Variants in PTPRK observed in about 807,000 individuals in gnomAD.
PTPRK encodes receptor-type tyrosine-protein phosphatase kappa.
In PTPRK, 75 loss-of-function variants were observed where a neutral mutation model predicts 178.0. That is an observed-to-expected ratio of 0.42 (90% CI 0.35 to 0.51). The LOEUF (loss-of-function observed/expected upper bound fraction) is 0.51, where lower values mean the gene tolerates loss of function less well. Ranked by LOEUF, PTPRK falls within the 20% of genes least tolerant of loss-of-function variation. The probability of loss-of-function intolerance (pLI) is 0.02; values close to 1 mark genes in which losing one functional copy is unlikely to be tolerated. For missense variants in PTPRK, 1,441 were observed against 1,797.8 expected, an observed-to-expected ratio of 0.80 and a Z score of 3.59; for synonymous variants, 637 against 620.6, an observed-to-expected ratio of 1.03 and a Z score of -0.39.
At chr6:128,075,049 A>C (rs1783538006) in intron 11 of PTPRK, among the ~76,000 whole-genome samples, 1 of 152,014 alleles carries the variant, frequency 6.6e-6, no homozygotes, top group South Asian at 2.1e-4. Flanking sequence ...CTACCACTTC[A>C]AATATAAAAG....
At chr6:128,151,135 T>C (rs1489892589) in intron 7 of PTPRK, among the ~76,000 whole-genome samples, 2 of 152,112 alleles carry the variant, frequency 1.3e-5, no homozygotes, top group African/African-American at 4.8e-5. Context: ...TCTAGATCTG[T>C]TGCAAATTAA....
chr6:128,374,571 C>T (rs559198037), intron 2 of PTPRK, among the ~76,000 whole-genome samples: 1 of 152,262 alleles, frequency 6.6e-6, no homozygotes, highest in South Asian at 2.1e-4. Context: ...CTTTCTCTCA[C>T]ACCAGAAATC....
At chr6:128,306,827 T>G (rs925198917) in intron 3 of PTPRK, among the ~76,000 whole-genome samples, 2 of 151,936 alleles carry the variant, frequency 1.3e-5, no homozygotes, top group African/African-American at 4.8e-5. Flanking sequence ...GAATCAAAAT[T>G]TATACTTTAG....
intron 3 of PTPRK, among the ~76,000 whole-genome samples, chr6:128,302,069 CAGA>C (rs1173981379): frequency 6.6e-6 from 1 of 151,728 alleles, no homozygotes; most frequent in Non-Finnish European, 1.5e-5. Context: ...AAAGACAAAC[CAGA>C]AGAACACATC....
At chr6:128,512,888 A>G (rs931195044) in intron 1 of PTPRK, among the ~76,000 whole-genome samples, 2 of 152,312 alleles carry the variant, frequency 1.3e-5, no homozygotes, top group Admixed American at 6.5e-5. Flanking sequence ...ACTTAGATGA[A>G]AAAGAGAATT....
chr6:128,407,633 C>CAAAAAAAAAAAA (rs56189580), intron 1 of PTPRK, among the ~76,000 whole-genome samples: 1 of 97,738 alleles, frequency 1.0e-5, no homozygotes, highest in African/African-American at 4.1e-5. Context: ...AAGACCCTAT[C>CAAAAAAAAAAAA]AAAAAAAAAA....
At chr6:128,296,697 C>A (rs1314516847) in intron 3 of PTPRK, among the ~76,000 whole-genome samples, 1 of 152,104 alleles carries the variant, frequency 6.6e-6, no homozygotes, top group Non-Finnish European at 1.5e-5. Context: ...CACCACCAGG[C>A]CTGCCCTAAA....
chr6:128,295,115 A>G (rs1311363594), intron 3 of PTPRK, among the ~76,000 whole-genome samples: 1 of 152,134 alleles, frequency 6.6e-6, no homozygotes, highest in Non-Finnish European at 1.5e-5. Flanking sequence ...ATTAATTTAC[A>G]TTTGAAATAC....
intron 6 of PTPRK, among the ~76,000 whole-genome samples, chr6:128,194,207 T>C (rs1370545193): frequency 6.6e-6 from 1 of 151,424 alleles, no homozygotes; most frequent in African/African-American, 2.4e-5. Context: ...TGCCTCAGCC[T>C]CCCGAGTAGC....
intron 1 of PTPRK, among the ~76,000 whole-genome samples, chr6:128,516,027 A>G (rs1436897341): frequency 6.6e-6 from 1 of 152,142 alleles, no homozygotes; most frequent in Non-Finnish European, 1.5e-5. Context: ...GAAATATGAG[A>G]TTTGGTGGGA....
At chr6:128,053,680 C>T (rs961754231) in intron 13 of PTPRK, among the ~76,000 whole-genome samples, 1 of 152,148 alleles carries the variant, frequency 6.6e-6, no homozygotes, top group Non-Finnish European at 1.5e-5. Flanking sequence ...TGCCACCCAC[C>T]GTCCCCATGA....
intron 13 of PTPRK, among the ~76,000 whole-genome samples, chr6:128,038,859 TACA>T (rs1776679665): frequency 6.6e-6 from 1 of 152,158 alleles, no homozygotes; most frequent in South Asian, 2.1e-4. Context: ...GCAACAATTT[TACA>T]ACAAGCAGTG....
chr6:128,310,828 G>A (rs1827137971), intron 3 of PTPRK, among the ~76,000 whole-genome samples: 1 of 152,088 alleles, frequency 6.6e-6, no homozygotes, highest in African/African-American at 2.4e-5. Context: ...CCCTTCTATG[G>A]CACAATGAAT....
At chr6:127,990,945 G>T in intron 20 of PTPRK, 60 bp from the exon 21 acceptor site, 1 of 1,017,078 alleles carries the variant, frequency 9.8e-7, no homozygotes, top group South Asian at 1.5e-5. Context: ...TAGCCAAGGT[G>T]ATTTAATTCC....
chr6:128,247,115 G>C (rs1443179943), intron 3 of PTPRK, among the ~76,000 whole-genome samples: 3 of 152,102 alleles, frequency 2.0e-5, no homozygotes, highest in African/African-American at 7.2e-5. Flanking sequence ...GTCTCATCTT[G>C]ACAATACTGC....
intron 1 of PTPRK, among the ~76,000 whole-genome samples, chr6:128,435,119 AGGCAGGAAGGCAGGCAGGCAGGC>A: frequency 1.9e-5 from 2 of 104,668 alleles, no homozygotes; most frequent in African/African-American, 1.2e-4. Flanking sequence ...GCAGGAAGGC[AGGCAGGAAGGCAGGCAGGCAGGC>A]AGGCAGGCAG....
At chr6:128,389,391 CG>C (rs1485597757) in intron 2 of PTPRK, among the ~76,000 whole-genome samples, 1 of 98,960 alleles carries the variant, frequency 1.0e-5, no homozygotes, top group African/African-American at 2.9e-5. Context: ...CTTGTTTGCT[CG>C]GTTTTTTTTT....
chr6:128,502,509 T>A (rs563768211), intron 1 of PTPRK, among the ~76,000 whole-genome samples: 8 of 152,164 alleles, frequency 5.3e-5, no homozygotes, highest in Non-Finnish European at 1.0e-4. Flanking sequence ...AAAGATCCCA[T>A]AATTAAAGAG....
At chr6:128,316,209 C>T (rs907165873) in intron 3 of PTPRK, among the ~76,000 whole-genome samples, 35 of 152,114 alleles carry the variant, frequency 2.3e-4, no homozygotes, top group African/African-American at 8.0e-4. Flanking sequence ...TCAGATTCAG[C>T]AAACCAAAGT....
Sources: allele counts gnomAD v4.1 joint callset (sites outside exome capture counted in the v4.1 genomes callset), GRCh38; gene constraint gnomAD v4.1.1; transcripts MANE v1.5; gene names NCBI Gene and HGNC (gene_info 2026-07-23, HGNC 2026-07-21).